ZCRB1: variants seen among roughly 807,000 people sequenced by gnomAD.
ZCRB1 encodes the protein zinc finger CCHC-type and RNA-binding motif-containing protein 1.
In ZCRB1, 21 loss-of-function variants were observed where a neutral mutation model predicts 29.9. That is an observed-to-expected ratio of 0.70 (90% confidence interval 0.50 to 1.01). The LOEUF (loss-of-function observed/expected upper bound fraction) is 1.01, where lower values mean the gene tolerates loss of function less well. ZCRB1 is among the 50% of genes least tolerant of loss of function. The pLI is 0.00. For synonymous variants in ZCRB1, 77 were observed against 80.0 expected (o/e 0.96, Z 0.20); for missense variants, 204 against 253.3 (o/e 0.81, Z 1.32).
intron 5 of ZCRB1, among the ~76,000 whole-genome samples, chr12:42,314,757 G>T (rs568735497): frequency 6.6e-6 from 1 of 152,026 alleles, no homozygotes; most frequent in East Asian, 1.9e-4. Context: ...TTCAAGACCC[G>T]CCTGGCCAAC....
At chr12:42,314,336 G>T (rs901738268) in intron 5 of ZCRB1, among the ~76,000 whole-genome samples, 1 of 140,898 alleles carries the variant, frequency 7.1e-6, no homozygotes, top group Non-Finnish European at 1.5e-5. Flanking sequence ...GAGGTGGGTG[G>T]ATCACCTGAG....
At chr12:42,318,034 A>C in intron 3 of ZCRB1, 136 bp from the exon 4 acceptor site, 1 of 657,050 alleles carries the variant, frequency 1.5e-6, no homozygotes, top group Non-Finnish European at 2.5e-6. Context: ...CTATCTCTTC[A>C]AAGTCAAGGG....
intron 2 of ZCRB1, chr12:42,323,642 T>C (rs1044090608): frequency 6.0e-6 from 1 of 167,426 alleles, no homozygotes; most frequent in African/African-American, 2.4e-5. Context: ...TTTTTCTTTT[T>C]TTTTTTTGAG....
At chr12:42,315,648 C>G (rs1296565274) in intron 5 of ZCRB1, among the ~76,000 whole-genome samples, 1 of 152,056 alleles carries the variant, frequency 6.6e-6, no homozygotes, top group Admixed American at 6.6e-5. Flanking sequence ...AATATAACAA[C>G]TCTATGGATC....
intron 5 of ZCRB1, among the ~76,000 whole-genome samples, chr12:42,315,974 A>C (rs1442045388): frequency 1.3e-5 from 2 of 152,026 alleles, no homozygotes; most frequent in Non-Finnish European, 2.9e-5. Context: ...GGGGTAGAGG[A>C]CCTCAAGCCA....
intron 3 of ZCRB1, among the ~76,000 whole-genome samples, chr12:42,320,488 C>T (rs1463252000): frequency 1.3e-5 from 2 of 152,018 alleles, no homozygotes; most frequent in Non-Finnish European, 2.9e-5. Flanking sequence ...GTCCAGGCTG[C>T]AGTGCAGTGG....
chr12:42,313,891 A>G lies in ZCRB1; in HGVS notation c.429T>C (p.Pro143=), dbSNP rs1403375190. 6.2e-7 allele frequency: 1 copy of G among 1,600,180 alleles called. No homozygotes were observed. Among genetic ancestry groups the G allele is most frequent in the Non-Finnish European group, 8.5e-7 (1 of 1,176,948 alleles). The part of the protein sequence containing the change: ...KKEKKKKKKA[P]EPEEEIEEVE... The stretch of plus-strand genomic sequence containing the variant: ...ATACATACATTTCTTCTTCTGGTTC[A>G]GGAGCTTTCTTTTTTTTCTTTTTTT... The change falls in exon 6 of 8, where the codon CCT becomes CCC. Residue 143 remains proline (P), a synonymous_variant. Transcript: ENST00000266529.
chr12:42,323,851 A>T (rs1226985337), intron 2 of ZCRB1, 168 bp downstream of exon 2: 1 of 611,480 alleles, frequency 1.6e-6, no homozygotes, highest in East Asian at 2.8e-5. Context: ...GGGAGGCTGC[A>T]GTGAGCCATG....
intron 5 of ZCRB1, among the ~76,000 whole-genome samples, chr12:42,314,207 T>G (rs1389117933): frequency 6.6e-6 from 1 of 152,028 alleles, no homozygotes; most frequent in Middle Eastern, 3.4e-3. Flanking sequence ...ATTTAGTAGT[T>G]TTACTAAGAG....
chr12:42,317,072 G>A (rs2068598189), intron 5 of ZCRB1, among the ~76,000 whole-genome samples: 1 of 152,178 alleles, frequency 6.6e-6, no homozygotes, highest in South Asian at 2.1e-4. Flanking sequence ...ACCAGGGTGT[G>A]ATGGTGCATG....
intron 3 of ZCRB1, among the ~76,000 whole-genome samples, chr12:42,319,955 A>T (rs1341739828): frequency 1.3e-5 from 2 of 152,220 alleles, no homozygotes; most frequent in Non-Finnish European, 2.9e-5. Flanking sequence ...CCTCAGGAGA[A>T]ATCTTACAGT....
At chr12:42,322,344 G>T in intron 3 of ZCRB1, 74 bp downstream of exon 3, 2 of 1,288,850 alleles carry the variant, frequency 1.6e-6, no homozygotes, top group East Asian at 2.8e-5. Flanking sequence ...TTAAAAATCT[G>T]TCATTAAAAA....
Position 42,317,460 on chromosome 12 carries a change from A to G in ZCRB1, c.226-13T>C. ...CTCTACCAAATAACTAAACAAGAGA[A>G]AAATGTAAATGTAGAATGTATTTCA... On this transcript the variant is annotated splice_polypyrimidine_tract_variant and intron_variant, in intron 4 of 7. Coordinates refer to ENST00000266529, the MANE Select transcript of ZCRB1 (RefSeq NM_033114.4). The G allele has an allele frequency of 6.4e-7, 1 of 1,562,450 alleles. No homozygotes were observed. Among genetic ancestry groups the G allele is most frequent in the Non-Finnish European group, 8.7e-7 (1 of 1,148,416 alleles).
chr12:42,323,823 G>T, intron 2 of ZCRB1, 196 bp downstream of exon 2: 1 of 565,294 alleles, frequency 1.8e-6, no homozygotes, highest in South Asian at 2.1e-5. Context: ...TGAGGTGGGA[G>T]GATCACCTGA....
intron 1 of ZCRB1, among the ~76,000 whole-genome samples, 163 bp from the exon 2 acceptor site, chr12:42,324,267 G>C (rs2068642657): frequency 6.6e-6 from 1 of 152,134 alleles, no homozygotes; most frequent in South Asian, 2.1e-4. Flanking sequence ...TCCTGCCTCA[G>C]CCTCCCGAGT....
intron 5 of ZCRB1, among the ~76,000 whole-genome samples, 190 bp downstream of exon 5, chr12:42,317,150 G>A (rs557835243): frequency 1.3e-5 from 2 of 152,320 alleles, no homozygotes; most frequent in African/African-American, 4.8e-5. Flanking sequence ...AGAGGCTGCA[G>A]TGAGTTGTGA....
chr12:42,325,291 G>T (rs1398701565), intron 1 of ZCRB1: 1 of 152,096 alleles, frequency 6.6e-6, no homozygotes, highest in Non-Finnish European at 1.5e-5. Context: ...GGTGTGTTAA[G>T]AGGAAAATTT....
chr12:42,316,579 TG>T (rs1450419882), intron 5 of ZCRB1, among the ~76,000 whole-genome samples: 1 of 152,152 alleles, frequency 6.6e-6, no homozygotes, highest in African/African-American at 2.4e-5. Context: ...GAAGAAAATG[TG>T]GGGATAGTTC....
intron 3 of ZCRB1, among the ~76,000 whole-genome samples, chr12:42,318,761 A>C (rs2068607272): frequency 6.6e-6 from 1 of 152,202 alleles, no homozygotes; most frequent in Non-Finnish European, 1.5e-5. Context: ...AGCGAGTGAG[A>C]GAGAGAGAGA....
Sources: allele counts gnomAD v4.1 joint callset (sites outside exome capture counted in the v4.1 genomes callset), GRCh38; gene constraint gnomAD v4.1.1; transcripts MANE v1.5; gene names NCBI Gene and HGNC (gene_info 2026-07-23, HGNC 2026-07-21).